GCSAML: variants seen among roughly 807,000 people sequenced by gnomAD.
The protein encoded by GCSAML is germinal center-associated signaling and motility-like protein.
A neutral mutation model predicts 13.0 loss-of-function variants in GCSAML; 9 were observed. The ratio of observed to expected loss-of-function variants is 0.69; its 90% CI spans 0.42 to 1.21. GCSAML has a LOEUF of 1.21. Among genes scored for constraint, GCSAML ranks in the 50% most tolerant of loss-of-function variants. The probability of loss-of-function intolerance (pLI) is 0.00; values close to 1 mark genes in which losing one functional copy is unlikely to be tolerated. For synonymous variants in GCSAML, 37 were observed against 52.9 expected (o/e 0.70, Z 1.31); for missense variants, 143 against 153.4 (o/e 0.93, Z 0.36).
At chr1:247,540,147 C>T (rs1040890541) in intron 2 of GCSAML, among the ~76,000 whole-genome samples, 3 of 152,208 alleles carry the variant, frequency 2.0e-5, no homozygotes, top group African/African-American at 7.2e-5. Flanking sequence ...TCTCAGCTTA[C>T]TGCAACCTCT....
upstream of GCSAML, among the ~76,000 whole-genome samples, chr1:247,544,340 A>G (rs1018845307): frequency 6.6e-6 from 1 of 152,234 alleles, no homozygotes; most frequent in Non-Finnish European, 1.5e-5. Flanking sequence ...CAACACTATT[A>G]GCTTTGGGTT....
Position 247,563,637 on chromosome 1 carries a change from AAAGT to A in GCSAML, c.139+3_139+6del. The A allele has an allele frequency of 1.3e-6, 2 of 1,551,336 alleles. No individual in the cohort carries two copies. Among genetic ancestry groups the A allele is most frequent in the Non-Finnish European group, 1.8e-6 (2 of 1,124,216 alleles). ...AGAAAACTTCAAGATCAAGATAAGAAAAGTAAGTCATGGCTGTATAATATTTTTC... is the reference window on the plus strand; with the variant it reads ...AGAAAACTTCAAGATCAAGATAAGAAAAGTCATGGCTGTATAATATTTTTC... On this transcript the variant is annotated splice_donor_variant and coding_sequence_variant, in exon 3 of 5. Transcript: ENST00000366488. LOFTEE classifies it high-confidence loss of function.
chr1:247,565,125 C>T (rs768492273), intron 3 of GCSAML, among the ~76,000 whole-genome samples: 9 of 151,982 alleles, frequency 5.9e-5, no homozygotes, highest in African/African-American at 1.2e-4. Context: ...TTTGGGAGGC[C>T]GAGGTGGGCA....
intron 4 of GCSAML, among the ~76,000 whole-genome samples, chr1:247,566,807 T>C (rs1335674492): frequency 6.6e-6 from 1 of 152,074 alleles, no homozygotes; most frequent in Non-Finnish European, 1.5e-5. Flanking sequence ...TTTCTTTCCT[T>C]CACTGTCTAT....
chr1:247,565,393 C>G (rs1221446750), intron 3 of GCSAML, among the ~76,000 whole-genome samples: 1 of 151,752 alleles, frequency 6.6e-6, no homozygotes, highest in African/African-American at 2.4e-5. Flanking sequence ...ATTTCAGATT[C>G]ACACGTATGT....
chr1:247,517,709 C>T (rs371866043), intron 1 of GCSAML, among the ~76,000 whole-genome samples: 1 of 152,168 alleles, frequency 6.6e-6, no homozygotes, highest in South Asian at 2.1e-4. Flanking sequence ...ACGTCTTGCC[C>T]TTCAGTGCTA....
chr1:247,518,652 GC>G (rs1315407944), intron 1 of GCSAML: 1 of 152,300 alleles, frequency 6.6e-6, no homozygotes, highest in Non-Finnish European at 1.5e-5. Flanking sequence ...GGTCCGCGAA[GC>G]TTTTTCTCTT....
upstream of GCSAML, among the ~76,000 whole-genome samples, chr1:247,544,687 A>G (rs10925079): frequency 0.034 from 5,191 of 150,986 alleles, 285 homozygotes; most frequent in African/African-American, 0.12. Flanking sequence ...TGTCTCTACC[A>G]AAAAAAACAA....
chr1:247,556,385 T>C (rs995528119), intron 1 of GCSAML, 22 bp from the exon 2 acceptor site: 2 of 1,583,664 alleles, frequency 1.3e-6, no homozygotes, highest in Non-Finnish European at 1.7e-6. Flanking sequence ...ATCTCTCTTT[T>C]TTCTTATGTG....
intron 4 of GCSAML, among the ~76,000 whole-genome samples, chr1:247,570,539 A>G (rs1242201997): frequency 6.6e-6 from 1 of 152,124 alleles, no homozygotes. Flanking sequence ...CTTAATCCTG[A>G]GTTCTAATTT....
At chr1:247,528,763 A>G (rs1383661412) in intron 2 of GCSAML, 2 of 152,224 alleles carry the variant, frequency 1.3e-5, no homozygotes, top group East Asian at 3.8e-4. Context: ...TATTTTGCTG[A>G]GAGATTTGTG....
chr1:247,553,514 G>A (rs1178028232), intron 1 of GCSAML, among the ~76,000 whole-genome samples: 1 of 152,092 alleles, frequency 6.6e-6, no homozygotes, highest in African/African-American at 2.4e-5. Context: ...CATCAAGGTT[G>A]CTGTATATTT....
intron 1 of GCSAML, among the ~76,000 whole-genome samples, chr1:247,509,853 G>A (rs1292108789): frequency 6.6e-6 from 1 of 151,900 alleles, no homozygotes; most frequent in Non-Finnish European, 1.5e-5. Flanking sequence ...GGATGAAGCT[G>A]ACTTGATATT....
chr1:247,570,672 A>G (rs1006189218), intron 4 of GCSAML, among the ~76,000 whole-genome samples: 3 of 152,154 alleles, frequency 2.0e-5, no homozygotes, highest in African/African-American at 7.2e-5. Context: ...TGCTGAGAAG[A>G]ATATATATTT....
rs930789463 is a variant in GCSAML, at chr1:247,571,532, C to T, written c.169-2611C>T. Among the ~76,000 whole-genome samples the T allele has an allele frequency of 7.2e-5, 11 of 152,210 alleles. 1 individual carries two copies. The highest frequency in any genetic ancestry group is 2.6e-4 in the Admixed American group (4 of 15,294). On this transcript the variant is annotated intron_variant, in intron 4 of 4. Transcript: ENST00000366488. ...TAAGAATGTTGAATATTGGCCCCCA[C>T]TCTCTTCTGGCTTGTAGGGTTTCTG... is the stretch of plus-strand genomic sequence containing the variant.
chr1:247,533,913 A>G (rs1329928260), intron 2 of GCSAML: 1 of 152,238 alleles, frequency 6.6e-6, no homozygotes, highest in East Asian at 1.9e-4. Flanking sequence ...ATTAAGACAT[A>G]TGATCACATC....
intron 2 of GCSAML, among the ~76,000 whole-genome samples, chr1:247,543,953 T>C (rs1203952275): frequency 1.3e-5 from 2 of 152,126 alleles, no homozygotes; most frequent in Non-Finnish European, 2.9e-5. Context: ...GTCACCCTGG[T>C]TTAACTTCTA....
chr1:247,536,296 T>C (rs1667214266), intron 2 of GCSAML: 1 of 152,190 alleles, frequency 6.6e-6, no homozygotes, highest in Non-Finnish European at 1.5e-5. Flanking sequence ...AATAGGAGTT[T>C]AGCCAGGGGA....
chr1:247,563,726 TA>T (rs1242829328), intron 3 of GCSAML, 87 bp downstream of exon 3: 3 of 655,162 alleles, frequency 4.6e-6, no homozygotes, highest in Non-Finnish European at 7.9e-6. Flanking sequence ...CCTATTGTAA[TA>T]ACAGATTGGA....
Sources: gnomAD v4.1 joint callset for allele counts (sites outside exome capture counted in the v4.1 genomes callset) on GRCh38, gnomAD v4.1.1 for gene constraint, MANE v1.5 for transcripts, NCBI Gene and HGNC (gene_info 2026-07-23, HGNC 2026-07-21) for gene names.